The following ARFIP1 variants were observed in gnomAD, a reference collection of about 807,000 sequenced individuals.
The protein encoded by ARFIP1 is arfaptin-1.
Under a neutral mutation model 42.5 loss-of-function variants are expected in ARFIP1, and 24 were observed. The observed-to-expected ratio is 0.57, with a 90% CI of 0.41 to 0.80. The LOEUF (loss-of-function observed/expected upper bound fraction) is 0.80, where lower values mean the gene tolerates loss of function less well. Among genes scored for constraint, ARFIP1 ranks in the 30% least tolerant of loss-of-function variants. The probability of loss-of-function intolerance (pLI) is 0.00; values close to 1 mark genes in which losing one functional copy is unlikely to be tolerated. For synonymous variants in ARFIP1, 141 were observed against 153.7 expected (o/e 0.92, Z 0.61); for missense variants, 354 against 434.0 (o/e 0.82, Z 1.64).
chr4:152,790,846 C>A (rs1447999657), intron 1 of ARFIP1, among the ~76,000 whole-genome samples: 1 of 150,524 alleles, frequency 6.6e-6, no homozygotes, highest in Non-Finnish European at 1.5e-5. Context: ...GATCCTCCTA[C>A]CTCAGCTTCC....
At chr4:152,799,136 G>C (rs1731649379) in intron 1 of ARFIP1, among the ~76,000 whole-genome samples, 1 of 151,984 alleles carries the variant, frequency 6.6e-6, no homozygotes, top group African/African-American at 2.4e-5. Context: ...TTTACTTATT[G>C]CAGTGTGCAT....
chr4:152,782,465 C>T (rs1216076921), intron 1 of ARFIP1, among the ~76,000 whole-genome samples: 1 of 152,166 alleles, frequency 6.6e-6, no homozygotes, highest in Non-Finnish European at 1.5e-5. Context: ...GTGGTCCATG[C>T]TCTGGAGATC....
chr4:152,817,800 GAATA>G (rs2149837279), intron 1 of ARFIP1, among the ~76,000 whole-genome samples: 1 of 152,302 alleles, frequency 6.6e-6, no homozygotes, highest in South Asian at 2.1e-4. Context: ...CAAAGGACTT[GAATA>G]GATATTTCTA....
chr4:152,909,914 A>ACACTGCCTTGCAGGGT, intron 8 of ARFIP1, 150 bp from the exon 9 acceptor site: 1 of 977,542 alleles, frequency 1.0e-6, no homozygotes, highest in Non-Finnish European at 1.5e-6. Context: ...AAGGCAGTGT[A>ACACTGCCTTGCAGGGT]CACTTGGTAT....
intron 1 of ARFIP1, among the ~76,000 whole-genome samples, chr4:152,821,397 A>G (rs1730354914): frequency 6.6e-6 from 1 of 152,238 alleles, no homozygotes; most frequent in South Asian, 2.1e-4. Context: ...AAAGAATTTC[A>G]GAACTCAAAG....
chr4:152,822,096 A>G (rs1248054899), intron 1 of ARFIP1, among the ~76,000 whole-genome samples: 1 of 152,160 alleles, frequency 6.6e-6, no homozygotes, highest in Admixed American at 6.5e-5. Context: ...ATGATGATCT[A>G]TTTAAAAGAT....
intron 1 of ARFIP1, among the ~76,000 whole-genome samples, chr4:152,800,613 C>G (rs1728329844): frequency 6.6e-6 from 1 of 152,080 alleles, no homozygotes; most frequent in Non-Finnish European, 1.5e-5. Context: ...TTAGTTTATC[C>G]TGAGATTGTA....
intron 5 of ARFIP1, among the ~76,000 whole-genome samples, chr4:152,879,544 G>A (rs1247707822): frequency 6.6e-5 from 10 of 152,106 alleles, no homozygotes; most frequent in Non-Finnish European, 1.5e-4. Context: ...ATGATAAAGA[G>A]CAAGTTTTAA....
chr4:152,894,829 G>A (rs962331770), intron 8 of ARFIP1, among the ~76,000 whole-genome samples: 1 of 152,168 alleles, frequency 6.6e-6, no homozygotes, highest in Non-Finnish European at 1.5e-5. Flanking sequence ...AAGGTACATG[G>A]TCACTTAAGA....
At position 152,804,241 on chromosome 4, in the gene ARFIP1, A is replaced by ATATATAATATAACATGTATTATATATTAT. The variant is rs1491298205; in HGVS notation, c.-10+24015_-10+24016insTATATAATATAACATGTATTATATATTAT. ...ATATAATATAACATGTATTATATAT[A>ATATATAATATAACATGTATTATATATTAT]ATATATAATATAACATGTATTATAT... On this transcript the variant is annotated intron_variant, in intron 1 of 8. Coordinates refer to ENST00000353617, the MANE Select transcript of ARFIP1 (RefSeq NM_001025595.3). 1.3e-3 allele frequency among the ~76,000 whole-genome samples: 21 copies of ATATATAATATAACATGTATTATATATTAT among 15,732 alleles called. 5 individuals are homozygous for ATATATAATATAACATGTATTATATATTAT. The highest frequency in any genetic ancestry group is 3.7e-3 in the African/African-American group (20 of 5,380). 10.3% of individuals were successfully genotyped at this position (15,732 alleles called of 152,430 possible).
intron 2 of ARFIP1, among the ~76,000 whole-genome samples, chr4:152,847,914 T>C (rs1732693737): frequency 6.6e-6 from 1 of 152,218 alleles, no homozygotes; most frequent in African/African-American, 2.4e-5. Flanking sequence ...AGGGTGTTTT[T>C]ACCTATGAAC....
intron 2 of ARFIP1, among the ~76,000 whole-genome samples, chr4:152,838,763 G>A (rs927583431): frequency 6.6e-6 from 1 of 152,104 alleles, no homozygotes; most frequent in Non-Finnish European, 1.5e-5. Context: ...CAATTTGGAT[G>A]TCCTTATTTC....
intron 2 of ARFIP1, among the ~76,000 whole-genome samples, chr4:152,849,187 A>G (rs979152946): frequency 1.1e-4 from 17 of 152,204 alleles, no homozygotes; most frequent in Admixed American, 1.0e-3. Context: ...TGAAAATACA[A>G]TTCATAATGA....
intron 2 of ARFIP1, among the ~76,000 whole-genome samples, chr4:152,859,008 A>G (rs1297492936): frequency 6.6e-6 from 1 of 152,144 alleles, no homozygotes; most frequent in Non-Finnish European, 1.5e-5. Flanking sequence ...CCCAAGACCA[A>G]TATTTTTCTT....
chr4:152,877,139 T>A lies in ARFIP1; in HGVS notation c.412-3824T>A, dbSNP rs184838452. Among the ~76,000 whole-genome samples the A allele has an allele frequency of 3.5e-3, 531 of 152,230 alleles. 3 individuals are homozygous for A. Among genetic ancestry groups the A allele is most frequent in the South Asian group, 9.9e-3 (48 of 4,828 alleles). ...TGGAGCTATGAGAAGAGGGCCACCA[T>A]CCTGCAGACCCCTGAATGGTAGATC... On this transcript the variant is annotated intron_variant, in intron 5 of 8. Coordinates refer to ENST00000353617, the MANE Select transcript of ARFIP1 (RefSeq NM_001025595.3).
chr4:152,798,236 C>T (rs1731592644), intron 1 of ARFIP1, among the ~76,000 whole-genome samples: 1 of 134,906 alleles, frequency 7.4e-6, no homozygotes, highest in African/African-American at 2.6e-5. Context: ...GCACTCCAGC[C>T]TGGGCGACAG....
intron 2 of ARFIP1, among the ~76,000 whole-genome samples, chr4:152,831,537 T>C (rs1254053573): frequency 1.3e-5 from 2 of 152,228 alleles, no homozygotes; most frequent in Non-Finnish European, 2.9e-5. Flanking sequence ...CAGATAAAGA[T>C]GTAGAACATT....
In ARFIP1 at chr4:152,847,899, A is replaced by G. The variant is rs10461256; in HGVS notation, c.94-15707A>G. On this transcript the variant is annotated intron_variant, in intron 2 of 8. Coordinates refer to ENST00000353617, the MANE Select transcript of ARFIP1 (RefSeq NM_001025595.3). Reference sequence around the variant, plus strand: ...GGAAGGCCCAAAACAAAAATCCACTAATGTAGGGTGTTTTTACCTATGAAC... The same window carrying G: ...GGAAGGCCCAAAACAAAAATCCACTGATGTAGGGTGTTTTTACCTATGAAC... Among the ~76,000 whole-genome samples, 1,294 of 152,346 alleles carry G rather than the reference A, an allele frequency of 8.5e-3. 104 individuals carry two copies. The East Asian group carries it at 0.19, about 23-fold the overall frequency.
chr4:152,801,535 T>C (rs994750887), intron 1 of ARFIP1, among the ~76,000 whole-genome samples: 12 of 152,162 alleles, frequency 7.9e-5, no homozygotes, highest in South Asian at 2.1e-4. Context: ...TTTCACCATA[T>C]TTGCCTTATT....
Sources: gnomAD v4.1 joint callset for allele counts (sites outside exome capture counted in the v4.1 genomes callset) on GRCh38, gnomAD v4.1.1 for gene constraint, MANE v1.5 for transcripts, NCBI Gene and HGNC (gene_info 2026-07-23, HGNC 2026-07-21) for gene names.